MECOM: variants seen among roughly 807,000 people sequenced by gnomAD.
MECOM encodes the protein MDS1 and EVI1 complex locus.
A neutral mutation model predicts 116.3 loss-of-function variants in MECOM; 13 were observed. The observed-to-expected ratio is 0.11, with a 90% CI of 0.07 to 0.18. The LOEUF (loss-of-function observed/expected upper bound fraction) is 0.18, where lower values mean the gene tolerates loss of function less well. Among genes scored for constraint, MECOM ranks in the 10% least tolerant of loss-of-function variants. MECOM has a pLI of 1.00. For synonymous variants in MECOM, 528 were observed against 535.2 expected, an observed-to-expected ratio of 0.99 and a Z score of 0.19; for missense variants, 1,299 against 1,509.0, an observed-to-expected ratio of 0.86 and a Z score of 2.31.
chr3:169,556,343 C>T (rs535559481), intron 1 of MECOM, among the ~76,000 whole-genome samples: 36 of 152,266 alleles, frequency 2.4e-4, no homozygotes, highest in African/African-American at 7.7e-4. Context: ...GTTTTGAATA[C>T]GACCCTCTGA....
intron 1 of MECOM, among the ~76,000 whole-genome samples, chr3:169,488,901 T>G (rs1752731052): frequency 6.6e-6 from 1 of 151,490 alleles, no homozygotes; most frequent in South Asian, 2.1e-4. Context: ...ATTCAAAAAT[T>G]TAGAAAAGGA....
intron 1 of MECOM, among the ~76,000 whole-genome samples, chr3:169,405,438 C>G (rs1294673851): frequency 6.6e-6 from 1 of 152,126 alleles, no homozygotes; most frequent in Non-Finnish European, 1.5e-5. Flanking sequence ...GAGTGTAGTA[C>G]TATTTCAATT....
At position 169,114,122 on chromosome 3, in the gene MECOM, T is replaced by C. The variant is rs542569375; in HGVS notation, c.2490-1248A>G. 1.1e-3 allele frequency among the ~76,000 whole-genome samples: 171 copies of C among 152,240 alleles called. 1 individual carries two copies. The highest frequency in any genetic ancestry group is 3.4e-3 in the Middle Eastern group (1 of 294). ...TATCTTAACAAAGGACTGAGACACA[T>C]CATTGAGTTGGAAATACGACTTTAC... On this transcript the variant is annotated intron_variant, in intron 8 of 16. Coordinates refer to ENST00000651503, the MANE Select transcript of MECOM (RefSeq NM_004991.4).
At chr3:169,617,821 A>G (rs1770206325) in intron 1 of MECOM, among the ~76,000 whole-genome samples, 1 of 152,204 alleles carries the variant, frequency 6.6e-6, no homozygotes, top group African/African-American at 2.4e-5. Flanking sequence ...ATCAGAGTCT[A>G]TACCAACCAT....
At chr3:169,425,594 G>A (rs527708438) in intron 1 of MECOM, among the ~76,000 whole-genome samples, 9 of 152,108 alleles carry the variant, frequency 5.9e-5, no homozygotes, top group Admixed American at 3.3e-4. Flanking sequence ...AGGTATGTCC[G>A]ACCACTATAT....
chr3:169,451,495 T>C (rs1269055837), intron 1 of MECOM, among the ~76,000 whole-genome samples: 1 of 152,158 alleles, frequency 6.6e-6, no homozygotes, highest in African/African-American at 2.4e-5. Flanking sequence ...GCTTGTTACA[T>C]GTTTACCTGT....
At chr3:169,488,333 C>A (rs1752646255) in intron 1 of MECOM, among the ~76,000 whole-genome samples, 1 of 148,408 alleles carries the variant, frequency 6.7e-6, no homozygotes. Context: ...TCAAGACCAT[C>A]CTGGCCAACA....
chr3:169,185,481 G>T (rs552492333), intron 2 of MECOM, among the ~76,000 whole-genome samples: 5 of 152,248 alleles, frequency 3.3e-5, no homozygotes, highest in African/African-American at 1.2e-4. Flanking sequence ...GCAAAATGAA[G>T]TTTGCAATAA....
rs1350363996 is a variant in MECOM at position 169,084,979 on chromosome 3, G to A, written c.3650C>T (p.Ser1217Phe). 1 of 1,614,024 alleles carries A rather than the reference G, an allele frequency of 6.2e-7. No homozygotes were observed. Among genetic ancestry groups the A allele is most frequent in the African/African-American group, 1.3e-5 (1 of 74,932 alleles). The change falls in exon 17 of 17, where the codon TCC becomes TTC. Residue 1217 changes from serine to phenylalanine, a missense_variant. Transcript: ENST00000651503. ...ESLHSTSHSS[S>F]NVWHSMARAA... ...CCTGGCCATACTGTGCCACACGTTG[G>A]AAGAACTGTGGGATGTAGAATGGAG... is the stretch of plus-strand genomic sequence containing the variant.
intron 2 of MECOM, among the ~76,000 whole-genome samples, chr3:169,369,115 G>C (rs1283945564): frequency 6.6e-6 from 1 of 151,960 alleles, no homozygotes; most frequent in Non-Finnish European, 1.5e-5. Context: ...ACTAGAGGTT[G>C]CCCAAACAGC....
chr3:169,482,206 A>G (rs76402902), intron 1 of MECOM, among the ~76,000 whole-genome samples: 2 of 152,272 alleles, frequency 1.3e-5, no homozygotes, highest in African/African-American at 4.8e-5. Flanking sequence ...TACTTCCCTT[A>G]CAGGCTGCTT....
At chr3:169,347,399 C>A (rs564740158) in intron 2 of MECOM, among the ~76,000 whole-genome samples, 12 of 152,102 alleles carry the variant, frequency 7.9e-5, no homozygotes, top group African/African-American at 2.4e-4. Context: ...TGTCCGCATA[C>A]ACACAATGTC....
chr3:169,237,958 C>T (rs371658522), intron 2 of MECOM, among the ~76,000 whole-genome samples: 12 of 151,980 alleles, frequency 7.9e-5, no homozygotes, highest in South Asian at 4.2e-4. Context: ...AGGTGGATCA[C>T]GAGGTAAGGA....
chr3:169,231,698 C>G (rs1753420000), intron 2 of MECOM, among the ~76,000 whole-genome samples: 1 of 150,850 alleles, frequency 6.6e-6, no homozygotes, highest in African/African-American at 2.4e-5. Context: ...GAATAGAAAC[C>G]AGTATGATGA....
intron 16 of MECOM, chr3:169,086,541 T>C: frequency 1.4e-6 from 1 of 701,392 alleles, no homozygotes. Flanking sequence ...GCAAGTTGCT[T>C]AACCTTTTAA....
intron 3 of MECOM, among the ~76,000 whole-genome samples, chr3:169,139,450 T>C (rs1737421835): frequency 6.6e-6 from 1 of 152,086 alleles, no homozygotes; most frequent in African/African-American, 2.4e-5. Context: ...TACAAAACAT[T>C]ATCCCAAAGT....
intron 2 of MECOM, among the ~76,000 whole-genome samples, chr3:169,281,751 A>G (rs539950430): frequency 5.3e-5 from 8 of 152,290 alleles, no homozygotes; most frequent in African/African-American, 1.9e-4. Context: ...GGTTGATGCT[A>G]CAGTGAGCTG....
intron 2 of MECOM, among the ~76,000 whole-genome samples, chr3:169,276,684 T>C (rs1759625543): frequency 6.6e-6 from 1 of 152,184 alleles, no homozygotes; most frequent in Admixed American, 6.5e-5. Flanking sequence ...GTACTAGATC[T>C]TCTTTATGCC....
intron 2 of MECOM, among the ~76,000 whole-genome samples, chr3:169,152,854 T>A (rs555173263): frequency 1.3e-5 from 2 of 152,344 alleles, no homozygotes; most frequent in Non-Finnish European, 1.5e-5. Context: ...TAATATTTTA[T>A]AGTATATTTG....
Sources: gnomAD v4.1 joint callset for allele counts (sites outside exome capture counted in the v4.1 genomes callset) on GRCh38, gnomAD v4.1.1 for gene constraint, MANE v1.5 for transcripts, NCBI Gene and HGNC (gene_info 2026-07-23, HGNC 2026-07-21) for gene names.